The following EPC2 variants were observed in gnomAD, a reference collection of about 807,000 sequenced individuals.
The protein encoded by EPC2 is enhancer of polycomb 2, also known as enhancer of polycomb homolog 2.
In EPC2, 14 loss-of-function variants were observed where a neutral mutation model predicts 92.1. The observed-to-expected ratio is 0.15, with a 90% confidence interval of 0.10 to 0.24. EPC2 has a LOEUF of 0.24. EPC2 is among the 10% of genes least tolerant of loss of function. The pLI is 1.00. For synonymous variants in EPC2, 340 were observed against 334.7 expected, an observed-to-expected ratio of 1.02 and a Z score of -0.17; for missense variants, 755 against 971.5, an observed-to-expected ratio of 0.78 and a Z score of 2.96.
intron 2 of EPC2, among the ~76,000 whole-genome samples, chr2:148,710,960 C>T (rs984662613): frequency 1.3e-5 from 2 of 152,100 alleles, no homozygotes; most frequent in South Asian, 2.1e-4. Flanking sequence ...CCACGGATAT[C>T]CTCCACTATA....
intron 5 of EPC2, 151 bp downstream of exon 5, chr2:148,762,081 A>G (rs1395177529): frequency 4.7e-6 from 3 of 637,606 alleles, no homozygotes; most frequent in Non-Finnish European, 7.2e-6. Flanking sequence ...ATTTGTGGTT[A>G]CTAGTTTTTA....
chr2:148,777,000 T>A (rs181359608), intron 10 of EPC2, among the ~76,000 whole-genome samples: 64 of 151,896 alleles, frequency 4.2e-4, no homozygotes, highest in Admixed American at 1.9e-3. Flanking sequence ...GCTGGGATTA[T>A]AGGCACGTGC....
At chr2:148,727,232 G>C (rs1303885487) in intron 2 of EPC2, among the ~76,000 whole-genome samples, 1 of 151,836 alleles carries the variant, frequency 6.6e-6, no homozygotes, top group East Asian at 1.9e-4. Flanking sequence ...TCAATCATTT[G>C]ACCATATATG....
intron 1 of EPC2, among the ~76,000 whole-genome samples, chr2:148,674,607 G>A (rs983598112): frequency 6.6e-6 from 1 of 152,176 alleles, no homozygotes; most frequent in African/African-American, 2.4e-5. Flanking sequence ...CAGTCCATCA[G>A]GCAGACTCCT....
intron 3 of EPC2, among the ~76,000 whole-genome samples, chr2:148,748,485 C>G (rs562261373): frequency 6.6e-6 from 1 of 152,076 alleles, no homozygotes; most frequent in African/African-American, 2.4e-5. Context: ...ATCACTAAAT[C>G]AAACCAGTTT....
chr2:148,748,327 T>C (rs1291284983), intron 3 of EPC2, among the ~76,000 whole-genome samples: 1 of 152,114 alleles, frequency 6.6e-6, no homozygotes, highest in African/African-American at 2.4e-5. Flanking sequence ...CTCTTTTCTT[T>C]ATAAATTACC....
chr2:148,685,654 A>T (rs180769398), intron 1 of EPC2, among the ~76,000 whole-genome samples: 3,660 of 152,314 alleles, frequency 0.024, 51 homozygotes, highest in East Asian at 0.032. Flanking sequence ...CCAGCTACTC[A>T]GGAGGCTAAG....
intron 4 of EPC2, 71 bp downstream of exon 4, chr2:148,754,204 A>G (rs935028440): frequency 2.5e-6 from 3 of 1,202,360 alleles, no homozygotes; most frequent in Non-Finnish European, 3.4e-6. Context: ...TTTTCTAATA[A>G]CTTGAATAAT....
At chr2:148,647,409 G>A (rs1160194977) in intron 1 of EPC2, among the ~76,000 whole-genome samples, 3 of 151,942 alleles carry the variant, frequency 2.0e-5, no homozygotes, top group Non-Finnish European at 4.4e-5. Context: ...CCAGGTTCAG[G>A]TGATTTTCCT....
chr2:148,757,968 G>A (rs888497553), intron 4 of EPC2, among the ~76,000 whole-genome samples: 1 of 152,116 alleles, frequency 6.6e-6, no homozygotes, highest in African/African-American at 2.4e-5. Context: ...ACAAAGATAA[G>A]CCTGGAACAC....
intron 1 of EPC2, among the ~76,000 whole-genome samples, chr2:148,655,568 T>A (rs919397787): frequency 1.3e-5 from 2 of 152,242 alleles, no homozygotes; most frequent in African/African-American, 4.8e-5. Context: ...TTGGTATTGC[T>A]AGTACTACTG....
In EPC2 at chr2:148,775,799, A is replaced by G. The variant is rs1461757450; in HGVS notation, c.1720+4412A>G. 3.8e-5 allele frequency among the ~76,000 whole-genome samples: 3 copies of G among 78,792 alleles called. No individual in the cohort carries two copies. In the East Asian group the frequency reaches 1.2e-3, roughly 31 times the overall value. 51.7% of individuals were successfully genotyped at this position (78,792 alleles called of 152,430 possible). On this transcript the variant is annotated intron_variant, in intron 10 of 13. Transcript: ENST00000258484. Reference sequence around the variant, plus strand: ...TCTTTTTTTTTTTTTTTTTTTTGAGATGGAGTCTCACTCTGTTACCCAGGC... The same window carrying G: ...TCTTTTTTTTTTTTTTTTTTTTGAGGTGGAGTCTCACTCTGTTACCCAGGC...
chr2:148,645,237 G>C, intron 1 of EPC2, 67 bp downstream of exon 1: 1 of 1,367,708 alleles, frequency 7.3e-7, no homozygotes, highest in Non-Finnish European at 1.0e-6. Flanking sequence ...GTCGGGCCTC[G>C]CCATTCACAG....
At chr2:148,679,162 A>G (rs1681339276) in intron 1 of EPC2, among the ~76,000 whole-genome samples, 2 of 152,238 alleles carry the variant, frequency 1.3e-5, no homozygotes, top group Admixed American at 6.5e-5. Flanking sequence ...ATTGCTTTAA[A>G]TACATATGCT....
chr2:148,702,792 C>T (rs149236416), intron 2 of EPC2, among the ~76,000 whole-genome samples: 59 of 152,138 alleles, frequency 3.9e-4, no homozygotes, highest in African/African-American at 1.4e-3. Flanking sequence ...CAGTCCAACC[C>T]AATTCGTAAA....
At chr2:148,766,246 G>T (rs1683405877) in intron 7 of EPC2, among the ~76,000 whole-genome samples, 1 of 152,082 alleles carries the variant, frequency 6.6e-6, no homozygotes, top group African/African-American at 2.4e-5. Flanking sequence ...CAACATTATA[G>T]ATATGTTTGA....
intron 2 of EPC2, among the ~76,000 whole-genome samples, chr2:148,712,631 T>A (rs1682170939): frequency 6.6e-6 from 1 of 152,096 alleles, no homozygotes; most frequent in Non-Finnish European, 1.5e-5. Flanking sequence ...GGCTCACGCC[T>A]GTAATCCCAA....
intron 1 of EPC2, among the ~76,000 whole-genome samples, chr2:148,658,068 C>G (rs1163155742): frequency 6.6e-6 from 1 of 152,124 alleles, no homozygotes; most frequent in Non-Finnish European, 1.5e-5. Context: ...GGGTTAAGTT[C>G]TCGCTAGACC....
At chr2:148,744,272 A>G (rs1682938647) in intron 3 of EPC2, among the ~76,000 whole-genome samples, 1 of 152,156 alleles carries the variant, frequency 6.6e-6, no homozygotes. Flanking sequence ...TCTGGAAAGC[A>G]GTTAAGCAGT....
Sources: gnomAD v4.1 joint callset for allele counts (sites outside exome capture counted in the v4.1 genomes callset) on GRCh38, gnomAD v4.1.1 for gene constraint, MANE v1.5 for transcripts, NCBI Gene and HGNC (gene_info 2026-07-23, HGNC 2026-07-21) for gene names.